The following LINGO2 variants were observed in gnomAD, a reference collection of about 807,000 sequenced individuals.
The protein encoded by LINGO2 is leucine-rich repeat and immunoglobulin-like domain-containing nogo receptor-interacting protein 2.
LINGO2 carries 14 observed loss-of-function variants against 30.6 expected under a neutral mutation model. That is an observed-to-expected ratio of 0.46 (90% CI 0.30 to 0.72). The LOEUF (loss-of-function observed/expected upper bound fraction) is 0.72. Among genes scored for constraint, LINGO2 ranks in the 30% least tolerant of loss-of-function variants. The pLI, the probability that LINGO2 is intolerant of heterozygous loss-of-function variation, is 0.07. For missense variants in LINGO2, 729 were observed against 751.7 expected, an observed-to-expected ratio of 0.97 and a Z score of 0.35; for synonymous variants, 317 against 288.5, an observed-to-expected ratio of 1.10 and a Z score of -1.00.
chr9:28,573,798 A>C (rs1406282118), intron 1 of LINGO2, among the ~76,000 whole-genome samples: 1 of 152,186 alleles, frequency 6.6e-6, no homozygotes, highest in Non-Finnish European at 1.5e-5. Flanking sequence ...TACCTGACAA[A>C]TTAAATGTGA....
the LINGO2 span, among the ~76,000 whole-genome samples, chr9:28,787,935 G>T: frequency 6.6e-6 from 1 of 152,076 alleles, no homozygotes. Flanking sequence ...GTTCTCCTTA[G>T]CTTGACAAAT....
chr9:28,158,027 C>T (rs1828183645), intron 4 of LINGO2, among the ~76,000 whole-genome samples: 1 of 152,196 alleles, frequency 6.6e-6, no homozygotes, highest in Admixed American at 6.5e-5. Flanking sequence ...AAAGTTGCTT[C>T]CACATTTTCG....
At chr9:28,403,474 T>C (rs530234350) in intron 2 of LINGO2, among the ~76,000 whole-genome samples, 1 of 152,270 alleles carries the variant, frequency 6.6e-6, no homozygotes, top group East Asian at 1.9e-4. Context: ...AATGGTAATG[T>C]ATATCATTGG....
At chr9:29,134,322 T>C in the LINGO2 span, among the ~76,000 whole-genome samples, 1 of 152,164 alleles carries the variant, frequency 6.6e-6, no homozygotes, top group Non-Finnish European at 1.5e-5. Flanking sequence ...TTGTCAATAA[T>C]CTCTCACACA....
chr9:28,378,942 T>A (rs193243354), intron 2 of LINGO2, among the ~76,000 whole-genome samples: 12 of 152,214 alleles, frequency 7.9e-5, no homozygotes, highest in Non-Finnish European at 1.3e-4. Flanking sequence ...CAGTACACAG[T>A]ACATTACATT....
chr9:28,497,954 C>T (rs1249087529), intron 1 of LINGO2, among the ~76,000 whole-genome samples: 1 of 152,156 alleles, frequency 6.6e-6, no homozygotes, highest in Admixed American at 6.5e-5. Context: ...GTATCAGCAG[C>T]GGAGGCTGCA....
the LINGO2 span, among the ~76,000 whole-genome samples, chr9:28,784,922 T>TG: frequency 6.8e-6 from 1 of 148,122 alleles, no homozygotes. Flanking sequence ...CACTCCAGCC[T>TG]GGCGACAGAG....
chr9:28,224,858 C>T (rs780473071), intron 4 of LINGO2, among the ~76,000 whole-genome samples: 3 of 152,130 alleles, frequency 2.0e-5, no homozygotes, highest in Non-Finnish European at 4.4e-5. Flanking sequence ...TGAGGCACCA[C>T]ACTACCGGAA....
intron 1 of LINGO2, among the ~76,000 whole-genome samples, chr9:28,478,905 T>A (rs983065977): frequency 1.2e-4 from 18 of 152,208 alleles, no homozygotes; most frequent in African/African-American, 4.3e-4. Flanking sequence ...ATATTTGAGC[T>A]AACTTCTGCA....
At chr9:28,282,671 C>T (rs1037605539) in intron 4 of LINGO2, among the ~76,000 whole-genome samples, 1 of 152,076 alleles carries the variant, frequency 6.6e-6, no homozygotes, top group Non-Finnish European at 1.5e-5. Flanking sequence ...ATCAATTTTG[C>T]ATCAACTATG....
the LINGO2 span, among the ~76,000 whole-genome samples, chr9:28,856,915 C>A: frequency 6.6e-6 from 1 of 151,982 alleles, no homozygotes; most frequent in Non-Finnish European, 1.5e-5. Flanking sequence ...TAAAAATTAT[C>A]TAATCACGTT....
At chr9:28,091,697 A>G (rs1826093838) in intron 4 of LINGO2, among the ~76,000 whole-genome samples, 1 of 152,206 alleles carries the variant, frequency 6.6e-6, no homozygotes, top group Admixed American at 6.6e-5. Context: ...AATATTGACA[A>G]ATGGGATTTA....
chr9:28,012,428 A>G (rs1308445136), intron 4 of LINGO2: 1 of 151,582 alleles, frequency 6.6e-6, no homozygotes, highest in Non-Finnish European at 1.5e-5. Context: ...AAAAAAAAAA[A>G]GTTAATCAAA....
intron 4 of LINGO2, among the ~76,000 whole-genome samples, chr9:28,226,459 G>A (rs1056084544): frequency 2.0e-5 from 3 of 151,606 alleles, no homozygotes; most frequent in African/African-American, 4.9e-5. Flanking sequence ...TCATTTGCAC[G>A]CTTTTTTCTC....
At chr9:28,598,361 T>C (rs1433603298) in intron 1 of LINGO2, among the ~76,000 whole-genome samples, 2 of 149,840 alleles carry the variant, frequency 1.3e-5, no homozygotes, top group Non-Finnish European at 3.0e-5. Context: ...TCAGATGGAA[T>C]TGTATATCAA....
At chr9:28,801,434 G>A in the LINGO2 span, among the ~76,000 whole-genome samples, 5 of 152,172 alleles carry the variant, frequency 3.3e-5, no homozygotes, top group South Asian at 4.2e-4. Context: ...TAAAGATTCT[G>A]TTCCCAGTCT....
chr9:28,938,523 A>T, the LINGO2 span, among the ~76,000 whole-genome samples: 1 of 152,286 alleles, frequency 6.6e-6, no homozygotes, highest in African/African-American at 2.4e-5. Flanking sequence ...GTCCCATAAG[A>T]TTATAATGGA....
intron 5 of LINGO2, among the ~76,000 whole-genome samples, chr9:27,975,289 T>A (rs1211855345): frequency 6.6e-6 from 1 of 152,020 alleles, no homozygotes; most frequent in Non-Finnish European, 1.5e-5. Flanking sequence ...ATTTAAAGTA[T>A]CTTTCTTTTT....
chr9:28,610,266 A>G (rs904179681), intron 1 of LINGO2, among the ~76,000 whole-genome samples: 23 of 152,226 alleles, frequency 1.5e-4, no homozygotes, highest in African/African-American at 5.3e-4. Flanking sequence ...GAGTAAATGA[A>G]GGCAGGAAAA....
Sources: allele counts gnomAD v4.1 joint callset (sites outside exome capture counted in the v4.1 genomes callset), GRCh38; gene constraint gnomAD v4.1.1; transcripts MANE v1.5; gene names NCBI Gene and HGNC (gene_info 2026-07-23, HGNC 2026-07-21).